The following GALNT2 variants were observed in gnomAD, a reference collection of about 807,000 sequenced individuals.
GALNT2 encodes UDP-GalNAc:polypeptide N-acetylgalactosaminyltransferase 2.
In GALNT2, 31 loss-of-function variants were observed where a neutral mutation model predicts 81.4. That is an observed-to-expected ratio of 0.38 (90% CI 0.29 to 0.51). The LOEUF (loss-of-function observed/expected upper bound fraction) is 0.51. Among genes scored for constraint, GALNT2 ranks in the 20% least tolerant of loss-of-function variants. The pLI is 0.87. For synonymous variants in GALNT2, 303 were observed against 287.4 expected, an observed-to-expected ratio of 1.05 and a Z score of -0.55; for missense variants, 629 against 765.7, an observed-to-expected ratio of 0.82 and a Z score of 2.11.
intron 10 of GALNT2, among the ~76,000 whole-genome samples, chr1:230,251,225 A>G (rs1304895311): frequency 6.6e-6 from 1 of 152,130 alleles, no homozygotes; most frequent in Non-Finnish European, 1.5e-5. Context: ...TGTTTCAATT[A>G]AAGCCTTTTG....
At chr1:230,058,291 T>C (rs1658964203) in intron 1 of GALNT2, among the ~76,000 whole-genome samples, 2 of 152,142 alleles carry the variant, frequency 1.3e-5, no homozygotes, top group Admixed American at 6.5e-5. Flanking sequence ...CGGCGACATA[T>C]TCCCTGGGAG....
chr1:230,110,644 T>C (rs964259653), intron 1 of GALNT2, among the ~76,000 whole-genome samples: 10 of 152,134 alleles, frequency 6.6e-5, no homozygotes, highest in Non-Finnish European at 1.3e-4. Flanking sequence ...TGCGCTGTTA[T>C]ATTCTTTATT....
chr1:230,109,672 AC>A (rs1660646187), intron 1 of GALNT2, among the ~76,000 whole-genome samples: 1 of 152,166 alleles, frequency 6.6e-6, no homozygotes, highest in Non-Finnish European at 1.5e-5. Flanking sequence ...TACTAAATAT[AC>A]AAAAATTAGC....
intron 2 of GALNT2, among the ~76,000 whole-genome samples, chr1:230,185,269 CGTGCGTGTGTGTGT>C (rs1416756533): frequency 0.013 from 1,606 of 125,140 alleles, 26 homozygotes; most frequent in African/African-American, 0.055. Flanking sequence ...ACTGTGCGTG[CGTGCGTGTGTGTGT>C]GTGTGTGTGT....
At chr1:230,246,681 G>T (rs898777435) in intron 8 of GALNT2, among the ~76,000 whole-genome samples, 2 of 152,118 alleles carry the variant, frequency 1.3e-5, no homozygotes, top group Admixed American at 6.6e-5. Flanking sequence ...ATGTATCATG[G>T]TTTCTTGTAC....
intron 1 of GALNT2, among the ~76,000 whole-genome samples, chr1:230,141,856 A>G (rs1467722913): frequency 4.2e-5 from 6 of 142,748 alleles, no homozygotes; most frequent in Non-Finnish European, 7.5e-5. Context: ...GCGTGCCACA[A>G]TCATATCTCA....
intron 2 of GALNT2, among the ~76,000 whole-genome samples, chr1:230,196,643 A>T (rs750471245): frequency 3.3e-5 from 5 of 152,064 alleles, no homozygotes; most frequent in Non-Finnish European, 7.3e-5. Flanking sequence ...CCACCTGGGG[A>T]CACAGGCTTC....
Position 230,249,173 on chromosome 1 carries a change from C to T in GALNT2, c.818-11C>T. The T allele has an allele frequency of 6.2e-7, 1 of 1,613,792 alleles. No individual in the cohort carries two copies. Among genetic ancestry groups the T allele is most frequent in the Non-Finnish European group, 8.5e-7 (1 of 1,179,716 alleles). ...TCTTGTCAACACCCTGTTTCTTTTC[C>T]TGGCTGGCAGGTTTTGATTGGAACT... is the stretch of plus-strand genomic sequence containing the variant. On this transcript the variant is annotated splice_polypyrimidine_tract_variant and intron_variant, in intron 8 of 15. Coordinates refer to ENST00000366672, the MANE Select transcript of GALNT2 (RefSeq NM_004481.5).
At chr1:230,059,768 A>G (rs3009716) in intron 1 of GALNT2, among the ~76,000 whole-genome samples, 6,742 of 152,238 alleles carry the variant, frequency 0.044, 492 homozygotes, top group African/African-American at 0.15. Context: ...GCCATTTTAA[A>G]ATATTTTGCC....
At chr1:230,227,489 CTATA>C (rs1214015836) in intron 3 of GALNT2, among the ~76,000 whole-genome samples, 1 of 146,396 alleles carries the variant, frequency 6.8e-6, no homozygotes, top group Non-Finnish European at 1.5e-5. Context: ...TATAATATAG[CTATA>C]TATGCTATAT....
chr1:230,178,684 C>G (rs890674786), intron 2 of GALNT2, among the ~76,000 whole-genome samples: 1 of 152,190 alleles, frequency 6.6e-6, no homozygotes, highest in African/African-American at 2.4e-5. Flanking sequence ...ACCCCCACCC[C>G]CAACACACAT....
intron 10 of GALNT2, 126 bp from the exon 11 acceptor site, chr1:230,255,092 C>T: frequency 7.4e-7 from 1 of 1,353,176 alleles, no homozygotes; most frequent in Non-Finnish European, 1.0e-6. Flanking sequence ...TCTCCTTCAG[C>T]AGCAGAGGGC....
intron 2 of GALNT2, among the ~76,000 whole-genome samples, chr1:230,187,302 A>T (rs1189236538): frequency 1.3e-5 from 2 of 152,264 alleles, no homozygotes; most frequent in Non-Finnish European, 2.9e-5. Context: ...TAGGAATTAC[A>T]TGCATATTGC....
At chr1:230,094,999 A>G (rs1426835904) in intron 1 of GALNT2, among the ~76,000 whole-genome samples, 2 of 152,198 alleles carry the variant, frequency 1.3e-5, no homozygotes, top group East Asian at 3.9e-4. Context: ...ATGATGTCGT[A>G]GTTCACGGTC....
At chr1:230,145,134 A>G (rs1262127502) in intron 1 of GALNT2, among the ~76,000 whole-genome samples, 1 of 152,090 alleles carries the variant, frequency 6.6e-6, no homozygotes, top group East Asian at 1.9e-4. Flanking sequence ...AGAGCGACCC[A>G]TGTGCCTGTG....
At chr1:230,166,800 G>A (rs1662618157) in intron 1 of GALNT2, among the ~76,000 whole-genome samples, 1 of 152,200 alleles carries the variant, frequency 6.6e-6, no homozygotes, top group African/African-American at 2.4e-5. Flanking sequence ...TTGAAGATAA[G>A]GGGTAATTGC....
chr1:230,131,340 A>T (rs377299419), intron 1 of GALNT2, among the ~76,000 whole-genome samples: 121 of 152,312 alleles, frequency 7.9e-4, no homozygotes, highest in African/African-American at 2.6e-3. Flanking sequence ...ATTTCTGCTG[A>T]TCCCAAATTC....
chr1:230,116,063 C>T (rs997911928), intron 1 of GALNT2, among the ~76,000 whole-genome samples: 1 of 152,198 alleles, frequency 6.6e-6, no homozygotes, highest in African/African-American at 2.4e-5. Context: ...AGGTTGGAAT[C>T]AGCTTCTTCC....
intron 1 of GALNT2, chr1:230,092,176 G>GTTTTTTTTTGTTTTTTTTTGTTTTTTT (rs762299242): frequency 2.4e-5 from 1 of 42,264 alleles, no homozygotes; most frequent in African/African-American, 1.1e-4. Context: ...TATTCCTTTA[G>GTTTTTTTTTGTTTTTTTTTGTTTTTTT]TTTTTTTTTT....
Sources: allele counts gnomAD v4.1 joint callset (sites outside exome capture counted in the v4.1 genomes callset), GRCh38; gene constraint gnomAD v4.1.1; transcripts MANE v1.5; gene names NCBI Gene and HGNC (gene_info 2026-07-23, HGNC 2026-07-21).